The following PRUNE1 variants were observed in gnomAD, a reference collection of about 807,000 sequenced individuals.
PRUNE1 encodes the protein prune exopolyphosphatase 1, also known as exopolyphosphatase PRUNE1.
Under a neutral mutation model 42.5 loss-of-function variants are expected in PRUNE1, and 25 were observed. That is an observed-to-expected ratio of 0.59 (90% CI 0.43 to 0.82). PRUNE1 has a LOEUF of 0.82. Among genes scored for constraint, PRUNE1 ranks in the 40% least tolerant of loss-of-function variants. PRUNE1 has a pLI of 0.00. For missense variants in PRUNE1, 443 were observed against 539.3 expected (o/e 0.82, Z 1.77); for synonymous variants, 203 against 217.1 (o/e 0.93, Z 0.57).
intron 7 of PRUNE1, among the ~76,000 whole-genome samples, chr1:151,030,700 G>C (rs1011383599): frequency 6.6e-6 from 1 of 152,110 alleles, no homozygotes; most frequent in African/African-American, 2.4e-5. Context: ...TAGCCAGGCA[G>C]GTCTCGAACT....
At chr1:151,032,293 G>T (rs914839866) in intron 7 of PRUNE1, among the ~76,000 whole-genome samples, 7 of 151,446 alleles carry the variant, frequency 4.6e-5, no homozygotes, top group African/African-American at 1.7e-4. Flanking sequence ...CACTGTGTAT[G>T]AATCCCAGCA....
Position 151,034,270 on chromosome 1 carries a change from C to T in PRUNE1, c.*36C>T, listed in dbSNP as rs1343241668. The T allele has an allele frequency of 6.3e-7, 1 of 1,575,512 alleles. No individual in the cohort carries two copies. On this transcript the variant is annotated 3_prime_UTR_variant, in exon 8 of 8. Coordinates refer to ENST00000271620, the MANE Select transcript of PRUNE1 (RefSeq NM_021222.3). ...GCGAGGAGGTAGTGGGTGAGGCTAC[C>T]TGACTCACTTCAAATGCATGTTTTG... is the stretch of plus-strand genomic sequence containing the variant.
chr1:151,017,301 G>A (rs1156956260), intron 1 of PRUNE1, among the ~76,000 whole-genome samples: 1 of 152,004 alleles, frequency 6.6e-6, no homozygotes, highest in Non-Finnish European at 1.5e-5. Context: ...GAGATAGGAG[G>A]AAAGAACACT....
intron 7 of PRUNE1, 40 bp from the exon 8 acceptor site, chr1:151,033,766 C>A (rs370598204): frequency 1.3e-6 from 2 of 1,560,614 alleles, no homozygotes; most frequent in Non-Finnish European, 1.8e-6. Context: ...TTTGCTACAG[C>A]AAGTTGTGTA....
rs1675505706 is a variant in PRUNE1 at position 151,035,500 on chromosome 1, C to T, written c.*1266C>T. ...CCACAGCTCTGTTCCATGTAAGTTGCCAACAGTTTCACTGAACAGTGGGGT... is the reference window on the plus strand; with the variant it reads ...CCACAGCTCTGTTCCATGTAAGTTGTCAACAGTTTCACTGAACAGTGGGGT... On this transcript the variant is annotated 3_prime_UTR_variant, in exon 8 of 8. Transcript: ENST00000271620. The T allele has an allele frequency of 6.6e-6, 1 of 152,514 alleles. No individual in the cohort carries two copies. The highest frequency in any genetic ancestry group is 2.4e-5 in the African/African-American group (1 of 41,390). The allele number at this position is 152,514 out of a possible 1,614,324, so 9.4% of individuals were successfully genotyped here.
At position 151,008,530 on chromosome 1, in the gene PRUNE1, C is replaced by T. The variant is rs1169877869; in HGVS notation, c.-103C>T. ...GAGTCCCGCCTCCTGACTCTGGCCTCTAGTCCCTGAGTCCCGGGCGGGCTG... is the reference window on the plus strand; with the variant it reads ...GAGTCCCGCCTCCTGACTCTGGCCTTTAGTCCCTGAGTCCCGGGCGGGCTG... On this transcript the variant is annotated 5_prime_UTR_variant, in exon 1 of 8. Coordinates refer to ENST00000271620, the MANE Select transcript of PRUNE1 (RefSeq NM_021222.3). The T allele has an allele frequency of 6.9e-7, 1 of 1,448,830 alleles. No homozygotes were observed. Among genetic ancestry groups the T allele is most frequent in the Non-Finnish European group, 9.7e-7 (1 of 1,030,490 alleles). 89.7% of individuals were successfully genotyped at this position (1,448,830 alleles called of 1,614,324 possible).
intron 3 of PRUNE1, 36 bp from the exon 4 acceptor site, chr1:151,024,575 C>G (rs781173251): frequency 3.9e-6 from 6 of 1,552,796 alleles, no homozygotes; most frequent in Middle Eastern, 1.7e-4. Flanking sequence ...CCGTACCTAT[C>G]TTTCTTCCTC....
At chr1:151,024,354 G>A (rs1674683438) in intron 3 of PRUNE1, among the ~76,000 whole-genome samples, 1 of 151,872 alleles carries the variant, frequency 6.6e-6, no homozygotes, top group Non-Finnish European at 1.5e-5. Context: ...AATTAGCTGG[G>A]CATGTTGGCA....
At chr1:151,018,352 G>A (rs372089406) in intron 2 of PRUNE1, 115 bp from the exon 3 acceptor site, 10 of 918,740 alleles carry the variant, frequency 1.1e-5, no homozygotes, top group Non-Finnish European at 1.8e-5. Flanking sequence ...GGTACTTATG[G>A]CTTTGAGAAA....
At chr1:151,019,521 A>T (rs946343308) in intron 3 of PRUNE1, among the ~76,000 whole-genome samples, 1 of 144,748 alleles carries the variant, frequency 6.9e-6, no homozygotes, top group Admixed American at 7.3e-5. Context: ...ACACCACTCC[A>T]CTCCAAGCCT....
At chr1:151,012,864 C>T (rs1019244550) in intron 1 of PRUNE1, among the ~76,000 whole-genome samples, 1 of 151,504 alleles carries the variant, frequency 6.6e-6, no homozygotes, top group African/African-American at 2.4e-5. Flanking sequence ...CTCCGCCTCC[C>T]GGGTTCAAGC....
chr1:151,013,944 C>G (rs1222858133), intron 1 of PRUNE1, among the ~76,000 whole-genome samples: 1 of 151,676 alleles, frequency 6.6e-6, no homozygotes. Flanking sequence ...ATCCCCCTAC[C>G]CCAGTGCTGT....
chr1:151,022,539 C>T (rs1202590742), intron 3 of PRUNE1, among the ~76,000 whole-genome samples: 1 of 151,818 alleles, frequency 6.6e-6, no homozygotes, highest in Admixed American at 6.6e-5. Context: ...CTGCCTCAGC[C>T]TCCCGAGTAG....
At chr1:151,011,669 C>T (rs587738467) in intron 1 of PRUNE1, among the ~76,000 whole-genome samples, 10 of 152,212 alleles carry the variant, frequency 6.6e-5, no homozygotes, top group Admixed American at 5.2e-4. Context: ...TTTACTTTGC[C>T]AGGCCTAGAA....
At chr1:151,032,316 G>A (rs587599496) in intron 7 of PRUNE1, among the ~76,000 whole-genome samples, 1 of 152,098 alleles carries the variant, frequency 6.6e-6, no homozygotes, top group South Asian at 2.1e-4. Flanking sequence ...TTCGGAGGCT[G>A]AAGCAGGAGG....
chr1:151,018,437 G>C (rs7526955), intron 2 of PRUNE1, 30 bp from the exon 3 acceptor site: 113,257 of 1,558,364 alleles, frequency 0.073, 4,764 homozygotes, highest in African/African-American at 0.16. Context: ...ATAAAACCTT[G>C]TGATACCTTC....
intron 1 of PRUNE1, among the ~76,000 whole-genome samples, chr1:151,011,811 G>A (rs1291762528): frequency 2.7e-5 from 4 of 149,006 alleles, no homozygotes; most frequent in African/African-American, 7.4e-5. Flanking sequence ...ACAAAGTCTC[G>A]CTCTGTCACC....
chr1:151,015,343 A>C (rs1264762298), intron 1 of PRUNE1, among the ~76,000 whole-genome samples: 1 of 142,806 alleles, frequency 7.0e-6, no homozygotes, highest in African/African-American at 2.6e-5. Flanking sequence ...AAAAAAAAAA[A>C]AAAAAACAAG....
Position 151,008,469 on chromosome 1 carries a change from C to A in PRUNE1, c.-164C>A, listed in dbSNP as rs1330702117. ...GGAGCGCCCGCTTACGCAGTTCCTCCCGGGGTCGGAGGCCGATTCGCCGTG... is the reference window on the plus strand; with the variant it reads ...GGAGCGCCCGCTTACGCAGTTCCTCACGGGGTCGGAGGCCGATTCGCCGTG... On this transcript the variant is annotated 5_prime_UTR_variant, in exon 1 of 8. Transcript: ENST00000271620. The A allele has an allele frequency of 8.7e-7, 1 of 1,153,680 alleles. No individual in the cohort carries two copies. The highest frequency in any genetic ancestry group is 1.3e-6 in the Non-Finnish European group (1 of 789,932). 71.5% of individuals were successfully genotyped at this position (1,153,680 alleles called of 1,614,324 possible).
Sources: allele counts gnomAD v4.1 joint callset (sites outside exome capture counted in the v4.1 genomes callset), GRCh38; gene constraint gnomAD v4.1.1; transcripts MANE v1.5; gene names NCBI Gene and HGNC (gene_info 2026-07-23, HGNC 2026-07-21).